The following TRABD2B variants were observed in gnomAD, a reference collection of about 807,000 sequenced individuals.
TRABD2B encodes the protein metalloprotease TIKI2.
A neutral mutation model predicts 40.1 loss-of-function variants in TRABD2B; 14 were observed. The observed-to-expected ratio is 0.35, with a 90% CI of 0.23 to 0.55. TRABD2B has a LOEUF of 0.55. Among genes scored for constraint, TRABD2B ranks in the 20% least tolerant of loss-of-function variants. The pLI, the probability that TRABD2B is intolerant of heterozygous loss-of-function variation, is 0.90. For synonymous variants in TRABD2B, 263 were observed against 277.0 expected, an observed-to-expected ratio of 0.95 and a Z score of 0.50; for missense variants, 541 against 648.6, an observed-to-expected ratio of 0.83 and a Z score of 1.80.
At chr1:47,944,868 A>T (rs1321386287) in intron 2 of TRABD2B, among the ~76,000 whole-genome samples, 1 of 152,226 alleles carries the variant, frequency 6.6e-6, no homozygotes, top group East Asian at 1.9e-4. Context: ...CCCGGGAGGG[A>T]ACATCTCAGA....
intron 2 of TRABD2B, among the ~76,000 whole-genome samples, chr1:47,814,140 C>T (rs1645000135): frequency 6.6e-6 from 1 of 152,248 alleles, no homozygotes; most frequent in Non-Finnish European, 1.5e-5. Context: ...GCAGTGTCAA[C>T]AGCCCATGCA....
chr1:47,816,476 G>A (rs1028926512), intron 2 of TRABD2B, among the ~76,000 whole-genome samples: 7 of 152,222 alleles, frequency 4.6e-5, no homozygotes, highest in Admixed American at 1.3e-4. Context: ...TTCATGTGCC[G>A]CCCATATAGT....
At chr1:47,990,835 A>ATATATATATATATAT (rs1646000284) in intron 2 of TRABD2B, among the ~76,000 whole-genome samples, 1 of 95,512 alleles carries the variant, frequency 1.0e-5, no homozygotes, top group Non-Finnish European at 2.0e-5. Context: ...ATATATATAT[A>ATATATATATATATAT]AAACGTTGGT....
intron 2 of TRABD2B, among the ~76,000 whole-genome samples, chr1:47,832,838 C>G (rs550434513): frequency 2.0e-5 from 3 of 151,960 alleles, no homozygotes; most frequent in African/African-American, 7.3e-5. Flanking sequence ...GGGGGAGGCA[C>G]GGGAGCTTGT....
rs1160932509 is a variant in TRABD2B, at chr1:47,990,769, TTTTATATATATATATATATATA to T, written c.666+3243_666+3264del. Among the ~76,000 whole-genome samples the T allele has an allele frequency of 9.9e-3, 638 of 64,280 alleles. 51 individuals are homozygous for T. The highest frequency in any genetic ancestry group is 0.019 in the African/African-American group (285 of 15,314). The allele number at this position is 64,280 out of a possible 152,430, so 42.2% of individuals were successfully genotyped here. On this transcript the variant is annotated intron_variant, in intron 2 of 6. Coordinates refer to ENST00000606738, the MANE Select transcript of TRABD2B (RefSeq NM_001194986.2). The stretch of plus-strand genomic sequence containing the variant: ...CAAGTTGTTGGTTTTAAAACGTTGG[TTTTATATATATATATATATATA>T]TATATATATATATATATATATATAT...
In TRABD2B at chr1:47,990,769, TTTTATATATATA is replaced by T. The variant is rs1389086528; in HGVS notation, c.666+3253_666+3264del. Among the ~76,000 whole-genome samples the T allele has an allele frequency of 4.9e-3, 312 of 64,276 alleles. 50 individuals carry two copies. The highest frequency in any genetic ancestry group is 5.3e-3 in the Admixed American group (30 of 5,620). 42.2% of individuals were successfully genotyped at this position (64,276 alleles called of 152,430 possible). A position where few individuals can be genotyped will look rare whatever the true frequency, so the allele number is the denominator to read the frequency against. Reference sequence around the variant, plus strand: ...CAAGTTGTTGGTTTTAAAACGTTGGTTTTATATATATATATATATATATATATATATATATAT... The same window carrying T: ...CAAGTTGTTGGTTTTAAAACGTTGGTTATATATATATATATATATATATAT... On this transcript the variant is annotated intron_variant, in intron 2 of 6. Transcript: ENST00000606738.
At chr1:47,849,730 G>A (rs569478963) in intron 2 of TRABD2B, among the ~76,000 whole-genome samples, 1 of 152,180 alleles carries the variant, frequency 6.6e-6, no homozygotes, top group South Asian at 2.1e-4. Context: ...TAAGTGAGGG[G>A]ATGGGGTGCG....
At chr1:47,817,622 T>G (rs933966248) in intron 2 of TRABD2B, among the ~76,000 whole-genome samples, 1 of 152,296 alleles carries the variant, frequency 6.6e-6, no homozygotes, top group East Asian at 1.9e-4. Flanking sequence ...TCCTGAAATC[T>G]GTCCCCAGGA....
At chr1:47,768,065 C>G (rs1644328870) in intron 6 of TRABD2B, among the ~76,000 whole-genome samples, 2 of 152,228 alleles carry the variant, frequency 1.3e-5, no homozygotes, top group Admixed American at 1.3e-4. Flanking sequence ...CTCTGGCACT[C>G]TGTCCTGGCT....
chr1:47,895,955 G>T (rs569275926), intron 2 of TRABD2B, among the ~76,000 whole-genome samples: 1 of 152,370 alleles, frequency 6.6e-6, no homozygotes, highest in South Asian at 2.1e-4. Context: ...GAAGGTTCCT[G>T]TGTGCCTTGG....
chr1:47,886,060 C>T (rs1043341116), intron 2 of TRABD2B, among the ~76,000 whole-genome samples: 1 of 152,270 alleles, frequency 6.6e-6, no homozygotes. Context: ...AGAGAAACTG[C>T]GAAGTTCACT....
intron 2 of TRABD2B, 138 bp downstream of exon 2, chr1:47,993,896 C>A: frequency 1.2e-6 from 1 of 864,904 alleles, no homozygotes; most frequent in South Asian, 1.8e-5. Flanking sequence ...TGCCTCGCTG[C>A]CCAGCAGAAC....
At chr1:47,987,668 G>A (rs1444532219) in intron 2 of TRABD2B, among the ~76,000 whole-genome samples, 5 of 152,168 alleles carry the variant, frequency 3.3e-5, no homozygotes, top group South Asian at 4.1e-4. Context: ...GACAGAGCTC[G>A]CCATGCCTGC....
intron 2 of TRABD2B, among the ~76,000 whole-genome samples, chr1:47,943,581 G>A (rs552733928): frequency 6.6e-5 from 10 of 152,180 alleles, no homozygotes; most frequent in Non-Finnish European, 1.3e-4. Context: ...TTCAGCTACT[G>A]GAAGAGACAC....
intron 2 of TRABD2B, among the ~76,000 whole-genome samples, chr1:47,805,818 T>TA (rs370627213): frequency 0.045 from 6,497 of 144,762 alleles, 411 homozygotes; most frequent in African/African-American, 0.14. Context: ...TCCATTTAAT[T>TA]AAAAAAAAAA....
At chr1:47,788,725 A>C (rs1481092210) in intron 4 of TRABD2B, among the ~76,000 whole-genome samples, 13 of 152,202 alleles carry the variant, frequency 8.5e-5, no homozygotes, top group African/African-American at 3.1e-4. Flanking sequence ...AGGGTCAAGG[A>C]TTTTGGAATG....
intron 2 of TRABD2B, among the ~76,000 whole-genome samples, chr1:47,857,047 A>G (rs959068960): frequency 7.9e-5 from 12 of 152,262 alleles, no homozygotes; most frequent in Admixed American, 5.9e-4. Flanking sequence ...CCGCAGTAGC[A>G]CTGCCTTCGG....
intron 3 of TRABD2B, among the ~76,000 whole-genome samples, chr1:47,797,775 G>A (rs1644767894): frequency 6.6e-6 from 1 of 152,084 alleles, no homozygotes; most frequent in Admixed American, 6.5e-5. Flanking sequence ...GACTTGTTGG[G>A]GGCCTTAAAT....
Position 47,765,976 on chromosome 1 carries a change from T to C in TRABD2B, c.1480A>G (p.Thr494Ala). Residue 494 changes from threonine (T) to alanine (A), a missense_variant, in exon 7 of 7, where the codon ACC becomes GCC. Physicochemically the swap from Thr to Ala is moderately conservative, Grantham distance 58. Transcript: ENST00000606738. ...GCGATGGCGGGGAGAAGGCCCAGGG[T>C]GGGTGCCGAGCTGCTGGCGGGCCCT... ...PPGPASSSAP[T>A]LGLLPAIATT... 1 of 702,112 alleles carries C rather than the reference T, an allele frequency of 1.4e-6. No individual in the cohort carries two copies. The highest frequency in any genetic ancestry group is 2.6e-6 in the Non-Finnish European group (1 of 384,684). 43.5% of individuals were successfully genotyped at this position (702,112 alleles called of 1,614,324 possible).
Sources: allele counts gnomAD v4.1 joint callset (sites outside exome capture counted in the v4.1 genomes callset), GRCh38; gene constraint gnomAD v4.1.1; transcripts MANE v1.5; gene names NCBI Gene and HGNC (gene_info 2026-07-23, HGNC 2026-07-21).